Variants in GDPD5 observed in about 807,000 individuals in gnomAD.
The protein encoded by GDPD5 is glycerophosphodiester phosphodiesterase domain containing 5.
A neutral mutation model predicts 75.1 loss-of-function variants in GDPD5; 48 were observed. The observed-to-expected ratio is 0.64, with a 90% CI of 0.51 to 0.81. GDPD5 has a LOEUF of 0.81. GDPD5 is among the 40% of genes least tolerant of loss of function. The pLI is 0.00. For missense variants in GDPD5, 706 were observed against 822.6 expected (o/e 0.86, Z 1.73); for synonymous variants, 336 against 339.0 (o/e 0.99, Z 0.10).
chr11:75,522,031 T>C (rs1310503759), intron 1 of GDPD5, among the ~76,000 whole-genome samples: 1 of 152,082 alleles, frequency 6.6e-6, no homozygotes, highest in Non-Finnish European at 1.5e-5. Context: ...CTCTCCTATA[T>C]GGGCATTCAC....
At chr11:75,516,734 T>C (rs1950646613) in intron 1 of GDPD5, among the ~76,000 whole-genome samples, 1 of 152,224 alleles carries the variant, frequency 6.6e-6, no homozygotes, top group Admixed American at 6.5e-5. Context: ...TAATTTTATT[T>C]GCTTCTCAGG....
rs748966109 is a variant in GDPD5, at chr11:75,442,444, C to A, written c.1086G>T (p.Pro362=). 3.2e-5 allele frequency: 52 copies of A among 1,612,114 alleles called. No individual in the cohort carries two copies. Among genetic ancestry groups the A allele is most frequent in the Middle Eastern group, 3.3e-4 (2 of 6,044 alleles). The change falls in exon 12 of 17, where the codon CCG becomes CCT. Residue 362 remains proline, a synonymous_variant. Coordinates refer to ENST00000336898, the MANE Select transcript of GDPD5 (RefSeq NM_030792.8). ...NATLLLNLRD[P]PREHPYRSSF... ...TGCTGCGGTAGGGGTGCTCCCGGGGCGGGTCACGCAGGTTGAGCAGCAGTG... is the reference window on the plus strand; with the variant it reads ...TGCTGCGGTAGGGGTGCTCCCGGGGAGGGTCACGCAGGTTGAGCAGCAGTG...
chr11:75,503,789 C>T (rs975933070), intron 1 of GDPD5, among the ~76,000 whole-genome samples: 2 of 152,188 alleles, frequency 1.3e-5, no homozygotes, highest in Admixed American at 6.5e-5. Context: ...GAAAGTCAGG[C>T]GATCAGAGGA....
intron 1 of GDPD5, among the ~76,000 whole-genome samples, chr11:75,515,809 T>C (rs1263092621): frequency 6.6e-6 from 1 of 152,160 alleles, no homozygotes; most frequent in East Asian, 1.9e-4. Flanking sequence ...CCAGAAGCCA[T>C]CTATAGCTTA....
intron 10 of GDPD5, 89 bp from the exon 11 acceptor site, chr11:75,443,375 C>G: frequency 6.9e-7 from 1 of 1,445,226 alleles, no homozygotes; most frequent in Non-Finnish European, 9.3e-7. Context: ...GTCCTCCCCA[C>G]CCAGCACAGG....
intron 3 of GDPD5, among the ~76,000 whole-genome samples, chr11:75,474,064 G>A (rs1442534819): frequency 2.0e-5 from 3 of 152,240 alleles, no homozygotes; most frequent in Middle Eastern, 3.2e-3. Flanking sequence ...TGTTTGGTGT[G>A]GAACAGATGA....
At chr11:75,499,475 A>G (rs548223012) in intron 1 of GDPD5, among the ~76,000 whole-genome samples, 1 of 149,910 alleles carries the variant, frequency 6.7e-6, no homozygotes, top group African/African-American at 2.5e-5. Flanking sequence ...CTAAGTCTTC[A>G]AATTCCTCTG....
At chr11:75,524,632 T>C (rs1429203643) in intron 1 of GDPD5, among the ~76,000 whole-genome samples, 3 of 152,172 alleles carry the variant, frequency 2.0e-5, no homozygotes, top group Admixed American at 2.0e-4. Context: ...GATAAGCACG[T>C]CTCAGGACCT....
chr11:75,512,309 C>CACACACACACAA (rs1188030018), intron 1 of GDPD5, among the ~76,000 whole-genome samples: 2 of 151,706 alleles, frequency 1.3e-5, no homozygotes, highest in African/African-American at 4.8e-5. Context: ...CACACACACA[C>CACACACACACAA]ACACACACAC....
intron 16 of GDPD5, 101 bp downstream of exon 16, chr11:75,436,835 T>C: frequency 3.6e-6 from 3 of 842,884 alleles, no homozygotes; most frequent in Middle Eastern, 2.5e-4. Flanking sequence ...CCTACCCATA[T>C]GTGCCACATG....
At chr11:75,482,431 G>T (rs1174906721) in intron 2 of GDPD5, among the ~76,000 whole-genome samples, 1 of 152,166 alleles carries the variant, frequency 6.6e-6, no homozygotes, top group Non-Finnish European at 1.5e-5. Context: ...GAGATAGCCA[G>T]CAGCTCCTGG....
intron 11 of GDPD5, 60 bp from the exon 12 acceptor site, chr11:75,442,641 A>G: frequency 6.7e-7 from 1 of 1,496,470 alleles, no homozygotes; most frequent in East Asian, 2.3e-5. Context: ...GCCCCCACAT[A>G]CCCTTCTGGC....
At chr11:75,448,780 T>C in intron 9 of GDPD5, 197 bp downstream of exon 9, 2 of 1,192,658 alleles carry the variant, frequency 1.7e-6, no homozygotes, top group Non-Finnish European at 2.2e-6. Flanking sequence ...TGAAATCTTT[T>C]TAGCAAGATG....
Position 75,497,915 on chromosome 11 carries a change from G to T in GDPD5, c.-144-7595C>A, listed in dbSNP as rs1035639754. Among the ~76,000 whole-genome samples, 3 of 152,326 alleles carry T rather than the reference G, an allele frequency of 2.0e-5. 1 individual carries two copies. Among genetic ancestry groups the T allele is most frequent in the Middle Eastern group, 6.8e-3 (2 of 294 alleles). Reference sequence around the variant, plus strand: ...CTTCACCTTTCTGGGCATCCACTGCGTCAAGCAGGGATTAACACCATGTTA... The same window carrying T: ...CTTCACCTTTCTGGGCATCCACTGCTTCAAGCAGGGATTAACACCATGTTA... On this transcript the variant is annotated intron_variant, in intron 1 of 16. Transcript: ENST00000336898.
chr11:75,481,096 G>A (rs1949905407), intron 2 of GDPD5, among the ~76,000 whole-genome samples: 1 of 152,188 alleles, frequency 6.6e-6, no homozygotes. Context: ...TATGATGGAG[G>A]GAGGAAAGGG....
chr11:75,477,248 C>T (rs889239981), intron 3 of GDPD5, among the ~76,000 whole-genome samples: 1 of 152,212 alleles, frequency 6.6e-6, no homozygotes, highest in Non-Finnish European at 1.5e-5. Flanking sequence ...CCAGGATGGC[C>T]AGGCCCATCT....
At chr11:75,471,975 G>A (rs1359956950) in intron 3 of GDPD5, among the ~76,000 whole-genome samples, 3 of 152,070 alleles carry the variant, frequency 2.0e-5, no homozygotes, top group African/African-American at 7.2e-5. Flanking sequence ...AAGCTCAGAG[G>A]GCCTCTCTCT....
At chr11:75,521,555 T>C (rs1483393452) in intron 1 of GDPD5, among the ~76,000 whole-genome samples, 1 of 152,226 alleles carries the variant, frequency 6.6e-6, no homozygotes, top group African/African-American at 2.4e-5. Flanking sequence ...GTACTCAAGA[T>C]ATCAGCTGTT....
At chr11:75,438,897 T>A (rs1948701403) in intron 15 of GDPD5, 1 of 166,258 alleles carries the variant, frequency 6.0e-6, no homozygotes, top group South Asian at 1.5e-4. Flanking sequence ...ACAGGAAGAG[T>A]GAACAGTGGG....
Sources: allele counts gnomAD v4.1 joint callset (sites outside exome capture counted in the v4.1 genomes callset), GRCh38; gene constraint gnomAD v4.1.1; transcripts MANE v1.5; gene names NCBI Gene and HGNC (gene_info 2026-07-23, HGNC 2026-07-21).